Variants in COL22A1 observed in about 807,000 individuals in gnomAD.
COL22A1 encodes the protein collagen type XXII alpha 1 chain, also known as collagen alpha-1(XXII) chain.
In COL22A1, 221 loss-of-function variants were observed where a neutral mutation model predicts 248.9. The observed-to-expected ratio is 0.89, with a 90% CI of 0.80 to 0.99. COL22A1 has a LOEUF of 0.99. Ranked by LOEUF, COL22A1 falls within the 50% of genes least tolerant of loss-of-function variation. COL22A1 has a pLI of 0.00. For missense variants in COL22A1, 2,240 were observed against 2,179.0 expected (o/e 1.03, Z -0.56); for synonymous variants, 891 against 793.4 (o/e 1.12, Z -2.07).
intron 45 of COL22A1, among the ~76,000 whole-genome samples, chr8:138,653,687 A>G (rs1822957600): frequency 6.6e-6 from 1 of 152,202 alleles, no homozygotes; most frequent in African/African-American, 2.4e-5. Flanking sequence ...TACCAGAAAG[A>G]GATATATGAA....
intron 5 of COL22A1, among the ~76,000 whole-genome samples, chr8:138,829,403 G>GTATTTT (rs1819848970): frequency 1.1e-5 from 1 of 90,640 alleles, no homozygotes; most frequent in African/African-American, 4.3e-5. Context: ...TTCCTTTCCT[G>GTATTTT]TTTTTTTTTT....
intron 53 of COL22A1, among the ~76,000 whole-genome samples, chr8:138,618,406 G>C (rs1188742881): frequency 7.2e-5 from 11 of 152,136 alleles, no homozygotes; most frequent in Non-Finnish European, 1.5e-4. Flanking sequence ...TTGACAGATG[G>C]GTCTTGCCCC....
intron 12 of COL22A1, among the ~76,000 whole-genome samples, chr8:138,781,443 C>A (rs968697778): frequency 4.6e-5 from 7 of 152,202 alleles, no homozygotes; most frequent in Non-Finnish European, 7.3e-5. Flanking sequence ...TAGATGCCAG[C>A]AGCACCCTCC....
chr8:138,891,017 G>A (rs1452188245), intron 1 of COL22A1, among the ~76,000 whole-genome samples: 4 of 151,126 alleles, frequency 2.6e-5, no homozygotes, highest in African/African-American at 4.9e-5. Context: ...GTGAGACTCC[G>A]TATAAAAAAA....
chr8:138,614,113 G>T (rs779746690), intron 55 of COL22A1, among the ~76,000 whole-genome samples, 193 bp from the exon 56 acceptor site: 1 of 152,210 alleles, frequency 6.6e-6, no homozygotes, highest in Non-Finnish European at 1.5e-5. Flanking sequence ...GTAAATGCAC[G>T]CAGGCCCGCA....
At chr8:138,766,376 A>G (rs1833910130) in intron 16 of COL22A1, among the ~76,000 whole-genome samples, 1 of 152,008 alleles carries the variant, frequency 6.6e-6, no homozygotes, top group South Asian at 2.1e-4. Context: ...ATGCGTGGTC[A>G]TTAGCAGGGG....
chr8:138,663,859 TC>T, intron 41 of COL22A1, 119 bp from the exon 42 acceptor site: 1 of 762,270 alleles, frequency 1.3e-6, no homozygotes, highest in Non-Finnish European at 2.3e-6. Context: ...ACTAACTTCC[TC>T]CCACCTTGAA....
At chr8:138,684,291 G>A (rs1480749897) in intron 39 of COL22A1, 134 bp downstream of exon 39, 1 of 740,138 alleles carries the variant, frequency 1.4e-6, no homozygotes, top group Non-Finnish European at 2.4e-6. Flanking sequence ...AGAACCTTTA[G>A]TCAAATGGAA....
At chr8:138,908,424 A>G (rs889263716) in intron 1 of COL22A1, among the ~76,000 whole-genome samples, 5 of 152,250 alleles carry the variant, frequency 3.3e-5, no homozygotes, top group Non-Finnish European at 7.3e-5. Context: ...AAAACATTCT[A>G]ACAAGGAATA....
At chr8:138,770,747 A>G (rs1646878052) in intron 16 of COL22A1, among the ~76,000 whole-genome samples, 1 of 152,220 alleles carries the variant, frequency 6.6e-6, no homozygotes, top group Admixed American at 6.5e-5. Flanking sequence ...CTTCCTTGGC[A>G]GGTGGGTAAA....
At chr8:138,765,742 C>T (rs945952221) in intron 16 of COL22A1, among the ~76,000 whole-genome samples, 4 of 152,176 alleles carry the variant, frequency 2.6e-5, no homozygotes, top group South Asian at 2.1e-4. Context: ...GTCTTGCAGA[C>T]GGCGGGGAGG....
At chr8:138,872,805 G>A (rs1371555931) in intron 3 of COL22A1, among the ~76,000 whole-genome samples, 1 of 152,218 alleles carries the variant, frequency 6.6e-6, no homozygotes, top group Non-Finnish European at 1.5e-5. Context: ...GCAGACCTTA[G>A]GGAAAGCCAC....
chr8:138,809,434 G>A (rs1048268889), intron 9 of COL22A1, among the ~76,000 whole-genome samples: 1 of 152,182 alleles, frequency 6.6e-6, no homozygotes, highest in Non-Finnish European at 1.5e-5. Flanking sequence ...ATTGAATCAT[G>A]CCATCCTAGG....
chr8:138,885,014 ACG>A (rs1429405986), intron 1 of COL22A1, among the ~76,000 whole-genome samples: 5 of 93,688 alleles, frequency 5.3e-5, no homozygotes, highest in African/African-American at 1.2e-4. Context: ...ATGTGTGTGC[ACG>A]CACACACACA....
chr8:138,728,092 G>A (rs2131191906), intron 23 of COL22A1, among the ~76,000 whole-genome samples: 1 of 152,248 alleles, frequency 6.6e-6, no homozygotes, highest in African/African-American at 2.4e-5. Context: ...GAGTGCAGGG[G>A]TGCAATCATA....
chr8:138,861,575 C>G (rs1586909755), intron 3 of COL22A1, among the ~76,000 whole-genome samples: 2 of 152,160 alleles, frequency 1.3e-5, no homozygotes, highest in Non-Finnish European at 2.9e-5. Context: ...TGTACATGTT[C>G]CTGGGTCTCG....
intron 47 of COL22A1, among the ~76,000 whole-genome samples, chr8:138,639,348 ACATGATG>A (rs1302313521): frequency 6.6e-6 from 1 of 152,178 alleles, no homozygotes; most frequent in Non-Finnish European, 1.5e-5. Context: ...TTTTCCTAGA[ACATGATG>A]CCTTATCCAA....
chr8:138,739,061 T>C (rs541768882), intron 22 of COL22A1, among the ~76,000 whole-genome samples: 1 of 152,286 alleles, frequency 6.6e-6, no homozygotes, highest in East Asian at 1.9e-4. Flanking sequence ...CTTAACACAC[T>C]TGGCCATTGC....
At chr8:138,596,266 A>G (rs1450715924) in intron 62 of COL22A1, among the ~76,000 whole-genome samples, 1 of 152,192 alleles carries the variant, frequency 6.6e-6, no homozygotes, top group Non-Finnish European at 1.5e-5. Context: ...TCAATGCAAC[A>G]TGACTGAAAG....
Sources: allele counts gnomAD v4.1 joint callset (sites outside exome capture counted in the v4.1 genomes callset), GRCh38; gene constraint gnomAD v4.1.1; transcripts MANE v1.5; gene names NCBI Gene and HGNC (gene_info 2026-07-23, HGNC 2026-07-21).